USP24: variants seen among roughly 807,000 people sequenced by gnomAD.
USP24 encodes the protein ubiquitin carboxyl-terminal hydrolase 24.
USP24 carries 97 observed loss-of-function variants against 361.6 expected under a neutral mutation model. The observed-to-expected ratio is 0.27, with a 90% CI of 0.23 to 0.32. The LOEUF is 0.32. Among genes scored for constraint, USP24 ranks in the 10% least tolerant of loss-of-function variants. The pLI, the probability that USP24 is intolerant of heterozygous loss-of-function variation, is 1.00. For synonymous variants in USP24, 1,098 were observed against 1,124.6 expected, an observed-to-expected ratio of 0.98 and a Z score of 0.47; for missense variants, 2,353 against 3,165.6, an observed-to-expected ratio of 0.74 and a Z score of 6.16.
intron 51 of USP24, among the ~76,000 whole-genome samples, chr1:55,094,816 T>A (rs187897208): frequency 4.6e-5 from 7 of 150,974 alleles, no homozygotes; most frequent in African/African-American, 1.7e-4. Context: ...CTGGGCAACA[T>A]TGGGAGACCT....
rs184671554 is a variant in USP24 at position 55,171,678 on chromosome 1, C to T, written c.703G>A (p.Ala235Thr). ...PTGLLGVLTMAFNPDNEYHFK... is the reference protein window; with the variant it reads ...PTGLLGVLTMTFNPDNEYHFK... ...TGGTATTCATTATCAGGATTGAAAG[C>T]CTAGATTCAAAGAGAACAGAGAAAC... The change falls in exon 5 of 68, where the codon GCT (alanine) becomes ACT (threonine). Residue 235 changes from alanine (A) to threonine (T), a missense_variant and splice_region_variant. Around this residue, in one of 8 missense-constraint regions of USP24, gnomAD observed 386 missense variants for 560.5 expected, o/e 0.69. Transcript: ENST00000294383. 1.2e-6 allele frequency: 2 copies of T among 1,601,704 alleles called. No homozygotes were observed. The highest frequency in any genetic ancestry group is 2.2e-5 in the East Asian group (1 of 44,578).
chr1:55,140,302 C>A (rs758588970), intron 24 of USP24, among the ~76,000 whole-genome samples: 1 of 151,962 alleles, frequency 6.6e-6, no homozygotes, highest in Non-Finnish European at 1.5e-5. Context: ...TACTTACATT[C>A]GAATTTATCA....
chr1:55,071,709 C>A, intron 67 of USP24, 105 bp downstream of exon 67: 3 of 1,233,688 alleles, frequency 2.4e-6, no homozygotes, highest in Admixed American at 4.0e-5. Context: ...TTTGGACTCA[C>A]ATTCCAGAGG....
intron 45 of USP24, 80 bp downstream of exon 45, chr1:55,099,691 T>C: frequency 1.0e-6 from 1 of 1,004,378 alleles, no homozygotes; most frequent in South Asian, 1.5e-5. Context: ...AGTTTCATAG[T>C]AACCCCAAAT....
intron 30 of USP24, among the ~76,000 whole-genome samples, chr1:55,133,638 CT>C (rs34336736): frequency 0.73 from 92,679 of 126,694 alleles, 33,139 homozygotes; most frequent in East Asian, 0.92. Context: ...CTCTCTCTCT[CT>C]TTTTTTTTTT....
intron 61 of USP24, 69 bp from the exon 62 acceptor site, chr1:55,077,369 G>A: frequency 7.1e-7 from 1 of 1,404,804 alleles, no homozygotes; most frequent in South Asian, 1.3e-5. Flanking sequence ...AACAATGCTG[G>A]ATCCACGTTC....
chr1:55,194,101 TAA>T (rs1644357840), intron 1 of USP24, among the ~76,000 whole-genome samples: 1 of 152,174 alleles, frequency 6.6e-6, no homozygotes, highest in African/African-American at 2.4e-5. Context: ...ATTGGGGAGG[TAA>T]GAGAGGACTA....
intron 1 of USP24, among the ~76,000 whole-genome samples, chr1:55,210,243 C>T (rs1049577595): frequency 1.3e-5 from 2 of 152,150 alleles, no homozygotes; most frequent in Non-Finnish European, 1.5e-5. Context: ...GATATATATA[C>T]ATATACTGGA....
At chr1:55,149,389 A>G (rs1647128763) in intron 16 of USP24, among the ~76,000 whole-genome samples, 1 of 152,202 alleles carries the variant, frequency 6.6e-6, no homozygotes, top group African/African-American at 2.4e-5. Context: ...CATTCTTCAG[A>G]GGCTGAAGTT....
intron 64 of USP24, 71 bp downstream of exon 64, chr1:55,073,757 T>C (rs1206216383): frequency 7.1e-7 from 1 of 1,410,570 alleles, no homozygotes; most frequent in East Asian, 2.5e-5. Flanking sequence ...CGGGCACATG[T>C]TCCCCTTCTG....
intron 28 of USP24, among the ~76,000 whole-genome samples, chr1:55,136,123 C>G (rs1646727731): frequency 6.6e-6 from 1 of 151,928 alleles, no homozygotes; most frequent in Admixed American, 6.5e-5. Flanking sequence ...AAAAGAAATA[C>G]AGGGGTAGGA....
chr1:55,096,365 G>T, intron 50 of USP24, 133 bp downstream of exon 50: 3 of 756,080 alleles, frequency 4.0e-6, no homozygotes, highest in African/African-American at 1.8e-5. Flanking sequence ...CTTGCTCATG[G>T]TTCTATTGCT....
At chr1:55,071,339 AGCTG>A in intron 67 of USP24, 1 of 992,552 alleles carries the variant, frequency 1.0e-6, no homozygotes, top group Non-Finnish European at 1.2e-6. Context: ...TTGGTATTAA[AGCTG>A]TTTTTTTTTC....
intron 4 of USP24, 74 bp from the exon 5 acceptor site, chr1:55,171,752 TA>T: frequency 1.3e-6 from 2 of 1,483,814 alleles, no homozygotes; most frequent in Non-Finnish European, 1.8e-6. Context: ...GAAAAGAAGA[TA>T]AAAATATAGC....
intron 32 of USP24, among the ~76,000 whole-genome samples, chr1:55,128,638 T>C (rs1243135533): frequency 6.6e-6 from 1 of 152,028 alleles, no homozygotes; most frequent in Non-Finnish European, 1.5e-5. Context: ...CCTAAGCAAA[T>C]TCAACCAATG....
Position 55,167,995 on chromosome 1 carries a change from C to T in USP24, c.826-1392G>A, listed in dbSNP as rs544589085. 5.9e-5 allele frequency among the ~76,000 whole-genome samples: 9 copies of T among 152,078 alleles called. No homozygotes were observed. The South Asian group carries it at 1.3e-3, about 21-fold the overall frequency. On this transcript the variant is annotated intron_variant, in intron 5 of 67. Coordinates refer to ENST00000294383, the MANE Select transcript of USP24 (RefSeq NM_015306.3). Reference sequence around the variant, plus strand: ...ACAGAGATATAAATTGGAGGGCCATCGGCATAAATATGACATTTAAATCCA... The same window carrying T: ...ACAGAGATATAAATTGGAGGGCCATTGGCATAAATATGACATTTAAATCCA...
In USP24 at chr1:55,097,723, GA is replaced by G. The variant is rs566850125; in HGVS notation, c.5596-7del. 26,440 of 1,310,652 alleles carry G rather than the reference GA, an allele frequency of 0.02. 270 individuals are homozygous for G. Among genetic ancestry groups the G allele is most frequent in the Non-Finnish European group, 0.022 (22,020 of 992,550 alleles). 81.2% of individuals were successfully genotyped at this position (1,310,652 alleles called of 1,614,324 possible). ...GTCCTTTTCACTGTTATTCTCTAAA[GA>G]AAAAAAAAAGGAAAAAGAGCAAATC... On this transcript the variant is annotated splice_polypyrimidine_tract_variant and splice_region_variant and intron_variant, in intron 47 of 67. Coordinates refer to ENST00000294383, the MANE Select transcript of USP24 (RefSeq NM_015306.3).
At chr1:55,137,954 T>C in intron 26 of USP24, 50 bp from the exon 27 acceptor site, 1 of 1,514,028 alleles carries the variant, frequency 6.6e-7, no homozygotes, top group Non-Finnish European at 9.0e-7. Context: ...TATTTATTCA[T>C]TTAAACAACT....
intron 8 of USP24, among the ~76,000 whole-genome samples, chr1:55,160,852 A>C (rs1445120714): frequency 2.0e-5 from 3 of 152,202 alleles, no homozygotes; most frequent in African/African-American, 4.8e-5. Context: ...TAAAGTATTA[A>C]TGTTTATTAT....
Sources: allele counts gnomAD v4.1 joint callset (sites outside exome capture counted in the v4.1 genomes callset), GRCh38; gene constraint gnomAD v4.1.1; regional missense constraint gnomAD v4.1.1; transcripts MANE v1.5; gene names NCBI Gene and HGNC (gene_info 2026-07-23, HGNC 2026-07-21).